GKAP1: variants seen among roughly 807,000 people sequenced by gnomAD.
GKAP1 encodes the protein G kinase-anchoring protein 1.
GKAP1 carries 31 observed loss-of-function variants against 56.7 expected under a neutral mutation model. That is an observed-to-expected ratio of 0.55 (90% confidence interval 0.41 to 0.74). GKAP1 has a LOEUF of 0.74. Among genes scored for constraint, GKAP1 ranks in the 30% least tolerant of loss-of-function variants. The pLI is 0.00. For synonymous variants in GKAP1, 151 were observed against 138.6 expected, an observed-to-expected ratio of 1.09 and a Z score of -0.63; for missense variants, 364 against 402.3, an observed-to-expected ratio of 0.90 and a Z score of 0.82.
At chr9:83,741,179 G>T (rs1053079642) in intron 12 of GKAP1, among the ~76,000 whole-genome samples, 1 of 151,998 alleles carries the variant, frequency 6.6e-6, no homozygotes, top group Non-Finnish European at 1.5e-5. Context: ...TCTTTTCAAG[G>T]TATCCCAGGT....
chr9:83,797,858 G>T (rs1353571541), intron 4 of GKAP1, among the ~76,000 whole-genome samples: 1 of 152,192 alleles, frequency 6.6e-6, no homozygotes, highest in Non-Finnish European at 1.5e-5. Context: ...TCTCTCCAAT[G>T]AAGACACTGG....
Position 83,780,481 on chromosome 9 carries a change from AAC to A in GKAP1, c.563-79_563-78del. On this transcript the variant is annotated intron_variant, in intron 6 of 12. Transcript: ENST00000376371. ...ACAAAAATGTAAAAAAAAAAAAAAA[AAC>A]GAAACTGAAAGAATTTCAAAATTAT... The A allele has an allele frequency of 2.5e-5, 15 of 609,778 alleles. No homozygotes were observed. The Admixed American group carries it at 3.9e-4, about 16-fold the overall frequency. The allele number at this position is 609,778 out of a possible 1,614,324, so 37.8% of individuals were successfully genotyped here.
intron 2 of GKAP1, among the ~76,000 whole-genome samples, chr9:83,807,014 T>C (rs1426990789): frequency 2.6e-5 from 4 of 152,178 alleles, no homozygotes. Flanking sequence ...TTATCATATA[T>C]AAAATACTAC....
intron 10 of GKAP1, 89 bp downstream of exon 10, chr9:83,748,219 TG>T: frequency 1.2e-6 from 1 of 808,894 alleles, no homozygotes; most frequent in Non-Finnish European, 2.0e-6. Context: ...CAAACACTTT[TG>T]TTGAGTTGGT....
In GKAP1 at chr9:83,795,951, T is replaced by C. The variant is rs112063250; in HGVS notation, c.360+3234A>G. On this transcript the variant is annotated intron_variant, in intron 4 of 12. Transcript: ENST00000376371. ...GTTCTGGTGATTAAAGTAGCCAGCC[T>C]GATTCTTCATCCTGTATAGGCAACC... Among the ~76,000 whole-genome samples the C allele has an allele frequency of 6.6e-5, 10 of 152,326 alleles. 1 individual carries two copies. Among genetic ancestry groups the C allele is most frequent in the African/African-American group, 2.4e-4 (10 of 41,582 alleles).
chr9:83,752,804 C>T (rs1337753255), intron 9 of GKAP1, among the ~76,000 whole-genome samples: 5 of 152,106 alleles, frequency 3.3e-5, no homozygotes, highest in African/African-American at 1.2e-4. Context: ...GGCACGGTGG[C>T]TCATGCCTGT....
chr9:83,801,396 G>GT (rs397711258), intron 3 of GKAP1, among the ~76,000 whole-genome samples: 522 of 50,864 alleles, frequency 0.01, no homozygotes, highest in Middle Eastern at 0.019. Flanking sequence ...CCAAGTTTGT[G>GT]TTTTTTTTTT....
intron 2 of GKAP1, among the ~76,000 whole-genome samples, chr9:83,815,573 A>AACACACACACAC (rs377376142): frequency 4.0e-5 from 6 of 149,414 alleles, no homozygotes; most frequent in African/African-American, 1.5e-4. Flanking sequence ...AACTTCAGAA[A>AACACACACACAC]ACACACACAC....
Position 83,742,558 on chromosome 9 carries a change from T to C in GKAP1, c.947A>G (p.Gln316Arg). 2 of 1,612,722 alleles carry C rather than the reference T, an allele frequency of 1.2e-6. No individual in the cohort carries two copies. Among genetic ancestry groups the C allele is most frequent in the East Asian group, 4.5e-5 (2 of 44,812 alleles). Residue 316 changes from glutamine (Q) to arginine (R), a missense_variant, in exon 11 of 13, where the codon CAA becomes CGA. By Grantham distance (43) the Gln-to-Arg change is conservative. Coordinates refer to ENST00000376371, the MANE Select transcript of GKAP1 (RefSeq NM_025211.4). The stretch of plus-strand genomic sequence containing the variant: ...AATAGTGAGCTCATTCTTGATACTT[T>C]GTGATTCATCAACTTGCAGAAGTAT... ...AEILLQVDES[Q>R]SIKNELTIQV...
At chr9:83,797,224 T>C (rs1292807483) in intron 4 of GKAP1, among the ~76,000 whole-genome samples, 1 of 152,194 alleles carries the variant, frequency 6.6e-6, no homozygotes, top group African/African-American at 2.4e-5. Flanking sequence ...TACCATAATT[T>C]CTCTTTCGTG....
intron 3 of GKAP1, among the ~76,000 whole-genome samples, chr9:83,800,369 C>G (rs999680302): frequency 9.0e-5 from 13 of 144,120 alleles, no homozygotes; most frequent in African/African-American, 3.3e-4. Context: ...CAGAGTCTCG[C>G]TCTGTCGCCA....
At chr9:83,761,115 GA>G (rs965780155) in intron 8 of GKAP1, among the ~76,000 whole-genome samples, 7 of 145,516 alleles carry the variant, frequency 4.8e-5, no homozygotes, top group Non-Finnish European at 1.1e-4. Flanking sequence ...AATTAAACTT[GA>G]AAAAAAACCT....
chr9:83,791,617 C>T (rs1405863525), intron 4 of GKAP1, among the ~76,000 whole-genome samples: 1 of 152,166 alleles, frequency 6.6e-6, no homozygotes, highest in Admixed American at 6.5e-5. Context: ...TATGACCAAT[C>T]AGCCATTAAG....
At chr9:83,798,313 T>A (rs977340879) in intron 4 of GKAP1, among the ~76,000 whole-genome samples, 1 of 152,204 alleles carries the variant, frequency 6.6e-6, no homozygotes, top group Non-Finnish European at 1.5e-5. Context: ...CTAGAGTACA[T>A]TCCAGGCTTA....
chr9:83,784,144 G>A (rs1451092287), intron 6 of GKAP1, among the ~76,000 whole-genome samples: 1 of 151,764 alleles, frequency 6.6e-6, no homozygotes, highest in Non-Finnish European at 1.5e-5. Flanking sequence ...GCATAGGCCT[G>A]TAGTCCTAGC....
chr9:83,746,813 A>C (rs1943303556), intron 10 of GKAP1, among the ~76,000 whole-genome samples: 1 of 152,274 alleles, frequency 6.6e-6, no homozygotes, highest in South Asian at 2.1e-4. Flanking sequence ...TTAGGGAGTA[A>C]TGACAAGAAA....
At chr9:83,760,994 GA>G (rs1332219071) in intron 8 of GKAP1, among the ~76,000 whole-genome samples, 2 of 149,748 alleles carry the variant, frequency 1.3e-5, no homozygotes, top group Non-Finnish European at 3.0e-5. Context: ...AAAATGAGAA[GA>G]AAGAAATAAT....
chr9:83,779,471 A>ACACACACACACG (rs1564201465), intron 7 of GKAP1, among the ~76,000 whole-genome samples: 8 of 93,074 alleles, frequency 8.6e-5, no homozygotes, highest in South Asian at 3.3e-4. Context: ...ACACGCACAT[A>ACACACACACACG]TACATATACA....
At chr9:83,792,744 GGAGACA>G (rs1944182564) in intron 4 of GKAP1, among the ~76,000 whole-genome samples, 1 of 152,078 alleles carries the variant, frequency 6.6e-6, no homozygotes, top group African/African-American at 2.4e-5. Flanking sequence ...AAAGAGAGAG[GGAGACA>G]GAGACAGAGA....
Sources: gnomAD v4.1 joint callset for allele counts (sites outside exome capture counted in the v4.1 genomes callset) on GRCh38, gnomAD v4.1.1 for gene constraint, MANE v1.5 for transcripts, NCBI Gene and HGNC (gene_info 2026-07-23, HGNC 2026-07-21) for gene names.